The following CSMD1 variants were observed in gnomAD, a reference collection of about 807,000 sequenced individuals.
CSMD1 encodes the protein CUB and Sushi multiple domains 1.
In CSMD1, 213 loss-of-function variants were observed where a neutral mutation model predicts 417.5. The ratio of observed to expected loss-of-function variants is 0.51; its 90% CI spans 0.46 to 0.57. CSMD1 has a LOEUF of 0.57. Ranked by LOEUF, CSMD1 falls within the 20% of genes least tolerant of loss-of-function variation. The pLI is 0.00. For missense variants in CSMD1, 6,923 were observed against 4,529.7 expected, an observed-to-expected ratio of 1.53 and a Z score of -15.17; for synonymous variants, 2,862 against 1,736.8, an observed-to-expected ratio of 1.65 and a Z score of -16.11.
chr8:3,817,863 C>G (rs187062968), intron 5 of CSMD1, among the ~76,000 whole-genome samples: 224 of 152,284 alleles, frequency 1.5e-3, no homozygotes, highest in Admixed American at 2.4e-3. Flanking sequence ...GCATACCCTT[C>G]ACGGCTTCAC....
At chr8:4,028,601 G>T (rs1009037888) in intron 4 of CSMD1, among the ~76,000 whole-genome samples, 6 of 152,128 alleles carry the variant, frequency 3.9e-5, no homozygotes, top group Admixed American at 1.3e-4. Context: ...GACTTGCAGT[G>T]GAGCCTGTAA....
intron 3 of CSMD1, among the ~76,000 whole-genome samples, chr8:4,270,803 G>C (rs533565418): frequency 2.0e-5 from 3 of 152,178 alleles, no homozygotes; most frequent in South Asian, 2.1e-4. Flanking sequence ...CTTCCTCCTA[G>C]AAAGTTCCCT....
At chr8:4,355,933 TTTTG>T (rs762321975) in intron 3 of CSMD1, among the ~76,000 whole-genome samples, 47 of 152,200 alleles carry the variant, frequency 3.1e-4, no homozygotes, top group Admixed American at 9.8e-4. Context: ...TTTTGTTTTG[TTTTG>T]TTTGTAGAAT....
chr8:4,570,839 C>T (rs992514694), intron 2 of CSMD1, among the ~76,000 whole-genome samples: 4 of 152,144 alleles, frequency 2.6e-5, no homozygotes, highest in South Asian at 2.1e-4. Context: ...TGGTCTATTT[C>T]GGGATTCGGC....
At chr8:2,945,727 C>T (rs1337006365) in intron 68 of CSMD1, among the ~76,000 whole-genome samples, 1 of 152,116 alleles carries the variant, frequency 6.6e-6, no homozygotes, top group East Asian at 1.9e-4. Context: ...TTTCCCCTGT[C>T]CCTCCTCCTC....
Position 4,970,604 on chromosome 8 carries a change from C to T in CSMD1, c.85+23728G>A, listed in dbSNP as rs146541849. The stretch of plus-strand genomic sequence containing the variant: ...TGATTTTTTTTTACCAGAAATATCT[C>T]TACTCTTTACAATGATAGGAAGCTT... On this transcript the variant is annotated intron_variant, in intron 1 of 69. Coordinates refer to ENST00000635120, the MANE Select transcript of CSMD1 (RefSeq NM_033225.6). 1.1e-4 allele frequency among the ~76,000 whole-genome samples: 16 copies of T among 152,020 alleles called. No homozygotes were observed. In the East Asian group the frequency reaches 2.5e-3, roughly 24 times the overall value.
Position 3,468,704 on chromosome 8 carries a change from C to T in CSMD1, c.1561+8G>A, listed in dbSNP as rs1261728882. 1 of 1,567,030 alleles carries T rather than the reference C, an allele frequency of 6.4e-7. No homozygotes were observed. The highest frequency in any genetic ancestry group is 1.2e-5 in the South Asian group (1 of 86,888). On this transcript the variant is annotated splice_region_variant and intron_variant, in intron 12 of 69. Transcript: ENST00000635120. ...CTTCCAACCCTGTGAAGTGTAATCT[C>T]ATCATACCTTGGTAAACAGCTTTAA...
At chr8:3,198,377 C>G (rs1796814052) in intron 33 of CSMD1, among the ~76,000 whole-genome samples, 1 of 152,168 alleles carries the variant, frequency 6.6e-6, no homozygotes, top group Non-Finnish European at 1.5e-5. Flanking sequence ...TTTGCAAAGT[C>G]AGATAGAATT....
chr8:4,747,775 G>A (rs917412156), intron 1 of CSMD1, among the ~76,000 whole-genome samples: 4 of 152,034 alleles, frequency 2.6e-5, no homozygotes, highest in Admixed American at 2.6e-4. Flanking sequence ...GTAAAGCCTG[G>A]GATAGAGGCT....
intron 23 of CSMD1, among the ~76,000 whole-genome samples, chr8:3,341,881 A>G (rs764657713): frequency 7.9e-5 from 12 of 152,180 alleles, no homozygotes; most frequent in Non-Finnish European, 1.8e-4. Context: ...CAAGTAAGAA[A>G]ACAAAATACA....
chr8:3,970,472 C>G lies in CSMD1; in HGVS notation c.818+27431G>C, dbSNP rs566476993. On this transcript the variant is annotated intron_variant, in intron 5 of 69. Coordinates refer to ENST00000635120, the MANE Select transcript of CSMD1 (RefSeq NM_033225.6). ...AGAAACTCTTGTCTCTTCTGTAAAC[C>G]AGAAGAAATTATGAGAATGTTCACA... Among the ~76,000 whole-genome samples the G allele has an allele frequency of 1.2e-3, 176 of 152,244 alleles. 2 individuals carry two copies. The South Asian group carries it at 0.036, about 31-fold the overall frequency.
intron 1 of CSMD1, among the ~76,000 whole-genome samples, chr8:4,673,059 G>C (rs1805429942): frequency 1.3e-5 from 2 of 150,624 alleles, no homozygotes; most frequent in Admixed American, 1.3e-4. Flanking sequence ...CAAACATGCT[G>C]ACATGGCACA....
At chr8:4,445,312 A>C (rs1244431132) in intron 2 of CSMD1, among the ~76,000 whole-genome samples, 1 of 152,206 alleles carries the variant, frequency 6.6e-6, no homozygotes, top group Non-Finnish European at 1.5e-5. Flanking sequence ...TGCCTCATTA[A>C]ATCAACCATT....
intron 12 of CSMD1, among the ~76,000 whole-genome samples, chr8:3,452,189 T>C (rs1047549993): frequency 2.6e-5 from 4 of 152,258 alleles, no homozygotes; most frequent in African/African-American, 7.2e-5. Context: ...TTTGCTAAAG[T>C]TGCTTATCAG....
intron 5 of CSMD1, among the ~76,000 whole-genome samples, chr8:3,927,559 A>C (rs1454255840): frequency 6.7e-6 from 1 of 149,536 alleles, no homozygotes; most frequent in Non-Finnish European, 1.5e-5. Flanking sequence ...CAGCTACTAG[A>C]GAGGCTGAGG....
intron 5 of CSMD1, among the ~76,000 whole-genome samples, chr8:3,955,080 A>C (rs1449206812): frequency 1.3e-5 from 2 of 152,162 alleles, no homozygotes; most frequent in African/African-American, 4.8e-5. Flanking sequence ...CCATCACCTG[A>C]CATTTCTAGT....
At chr8:3,177,242 C>T (rs528759324) in intron 37 of CSMD1, among the ~76,000 whole-genome samples, 9 of 152,252 alleles carry the variant, frequency 5.9e-5, no homozygotes, top group South Asian at 2.1e-4. Flanking sequence ...TGGATGCAGA[C>T]GCATGGGGAG....
At chr8:4,938,796 T>C (rs957961879) in intron 1 of CSMD1, among the ~76,000 whole-genome samples, 4 of 152,206 alleles carry the variant, frequency 2.6e-5, no homozygotes, top group Non-Finnish European at 5.9e-5. Flanking sequence ...AATGCTTTTT[T>C]ATATTTCATA....
chr8:4,588,774 A>C (rs1799838019), intron 2 of CSMD1, among the ~76,000 whole-genome samples: 1 of 138,666 alleles, frequency 7.2e-6, no homozygotes, highest in Non-Finnish European at 1.5e-5. Context: ...ACAGAGCAAG[A>C]CTCCGACACA....
Sources: allele counts gnomAD v4.1 joint callset (sites outside exome capture counted in the v4.1 genomes callset), GRCh38; gene constraint gnomAD v4.1.1; transcripts MANE v1.5; gene names NCBI Gene and HGNC (gene_info 2026-07-23, HGNC 2026-07-21).